Variants in GRM7 observed in about 807,000 individuals in gnomAD.
The protein encoded by GRM7 is glutamate metabotropic receptor 7, also known as metabotropic glutamate receptor 7.
GRM7 carries 35 observed loss-of-function variants against 84.5 expected under a neutral mutation model. That is an observed-to-expected ratio of 0.41 (90% CI 0.32 to 0.55). The LOEUF (loss-of-function observed/expected upper bound fraction) is 0.55, where lower values mean the gene tolerates loss of function less well. GRM7 is among the 20% of genes least tolerant of loss of function. GRM7 has a pLI of 0.19. For synonymous variants in GRM7, 487 were observed against 455.1 expected (o/e 1.07, Z -0.89); for missense variants, 1,003 against 1,194.6 (o/e 0.84, Z 2.36).
At chr3:7,558,738 G>A (rs1375378450) in intron 7 of GRM7, among the ~76,000 whole-genome samples, 2 of 152,000 alleles carry the variant, frequency 1.3e-5, no homozygotes, top group Admixed American at 1.3e-4. Context: ...TAATTATAAG[G>A]CCTTAATAGT....
chr3:7,047,680 G>C (rs751637966), intron 1 of GRM7, among the ~76,000 whole-genome samples: 1 of 152,046 alleles, frequency 6.6e-6, no homozygotes, highest in Non-Finnish European at 1.5e-5. Context: ...ATGTTCCAGT[G>C]TCCTGGATTC....
chr3:7,229,558 T>C (rs1182055284), intron 2 of GRM7, among the ~76,000 whole-genome samples: 1 of 150,812 alleles, frequency 6.6e-6, no homozygotes, highest in Non-Finnish European at 1.5e-5. Flanking sequence ...TTTAGAAGGC[T>C]CAACAGGAGT....
intron 1 of GRM7, among the ~76,000 whole-genome samples, chr3:6,950,789 G>A (rs1692718792): frequency 6.6e-6 from 1 of 152,210 alleles, no homozygotes; most frequent in African/African-American, 2.4e-5. Context: ...CTGCTGCCTT[G>A]CAGTTTGATC....
chr3:7,692,073 G>A (rs1559490645), intron 9 of GRM7, among the ~76,000 whole-genome samples: 1 of 152,048 alleles, frequency 6.6e-6, no homozygotes, highest in Non-Finnish European at 1.5e-5. Context: ...ATAAAGTCAG[G>A]CAACCTTTTC....
chr3:7,061,959 T>C (rs541398297), intron 1 of GRM7, among the ~76,000 whole-genome samples: 26 of 151,774 alleles, frequency 1.7e-4, no homozygotes, highest in Admixed American at 1.4e-3. Context: ...AAAAGGACCT[T>C]CCAGGAGAGA....
chr3:6,921,953 T>C (rs1325554481), intron 1 of GRM7, among the ~76,000 whole-genome samples: 2 of 152,144 alleles, frequency 1.3e-5, no homozygotes, highest in East Asian at 3.9e-4. Context: ...ATACAGTAAC[T>C]CCTCTCACTG....
At chr3:7,115,167 T>A (rs763282964) in intron 1 of GRM7, among the ~76,000 whole-genome samples, 1 of 152,178 alleles carries the variant, frequency 6.6e-6, no homozygotes, top group Non-Finnish European at 1.5e-5. Flanking sequence ...GGGTAAGAGA[T>A]GACTTAAATC....
chr3:7,156,822 T>A lies in GRM7; in HGVS notation c.736+10154T>A, dbSNP rs575919923. Among the ~76,000 whole-genome samples, 3 of 152,232 alleles carry A rather than the reference T, an allele frequency of 2.0e-5. No homozygotes were observed. In the South Asian group the frequency reaches 6.2e-4, roughly 32 times the overall value. On this transcript the variant is annotated intron_variant, in intron 2 of 9. Transcript: ENST00000357716. The stretch of plus-strand genomic sequence containing the variant: ...GAAAGTTCTTTTTAATCAACGTGAA[T>A]TTTTTTCATTGTTGTTTTCACTTGT...
intron 1 of GRM7, among the ~76,000 whole-genome samples, chr3:6,997,528 C>T (rs949277300): frequency 6.6e-6 from 1 of 152,162 alleles, no homozygotes; most frequent in Non-Finnish European, 1.5e-5. Flanking sequence ...AGAACTCACT[C>T]ACTATCATGA....
chr3:7,048,784 C>T (rs1404540985), intron 1 of GRM7, among the ~76,000 whole-genome samples: 1 of 151,922 alleles, frequency 6.6e-6, no homozygotes, highest in Admixed American at 6.6e-5. Flanking sequence ...AATACCTTAC[C>T]TATAGTCACC....
At chr3:7,150,084 T>A (rs60263601) in intron 2 of GRM7, among the ~76,000 whole-genome samples, 32,831 of 145,470 alleles carry the variant, frequency 0.23, 3,795 homozygotes, top group Middle Eastern at 0.33. Flanking sequence ...TGTGTGTGTG[T>A]GTGAGAGAGA....
chr3:6,887,144 CA>C (rs539112710), intron 1 of GRM7, among the ~76,000 whole-genome samples: 14 of 151,920 alleles, frequency 9.2e-5, no homozygotes, highest in African/African-American at 3.4e-4. Flanking sequence ...CTGAAAATAC[CA>C]GACACATTTA....
At chr3:7,676,057 G>A (rs531731409) in intron 8 of GRM7, among the ~76,000 whole-genome samples, 4 of 152,068 alleles carry the variant, frequency 2.6e-5, no homozygotes, top group African/African-American at 7.2e-5. Flanking sequence ...TCTTGGCTCA[G>A]TGCAAACTCC....
At chr3:7,036,339 G>T (rs896389654) in intron 1 of GRM7, among the ~76,000 whole-genome samples, 2 of 152,174 alleles carry the variant, frequency 1.3e-5, no homozygotes, top group African/African-American at 4.8e-5. Flanking sequence ...TAACTTATGG[G>T]AGTGGGCTTA....
chr3:7,517,576 T>C (rs1299269790), intron 7 of GRM7, among the ~76,000 whole-genome samples: 4 of 152,106 alleles, frequency 2.6e-5, no homozygotes, highest in African/African-American at 9.7e-5. Context: ...TATTTTTTTG[T>C]AGAGACAAGT....
At chr3:7,641,993 A>C (rs200650494) in intron 8 of GRM7, among the ~76,000 whole-genome samples, 3,889 of 152,202 alleles carry the variant, frequency 0.026, 136 homozygotes, top group African/African-American at 0.075. Flanking sequence ...TCAGTGAGTA[A>C]ATACATCGTA....
Position 7,144,001 on chromosome 3 carries a change from A to C in GRM7, c.520-2451A>C, listed in dbSNP as rs187294978. Reference sequence around the variant, plus strand: ...ACTACAATCGACACGTAGGTAACTCATTCTATAAAGATATTTGTATGGGCT... The same window carrying C: ...ACTACAATCGACACGTAGGTAACTCCTTCTATAAAGATATTTGTATGGGCT... On this transcript the variant is annotated intron_variant, in intron 1 of 9. Transcript: ENST00000357716. Among the ~76,000 whole-genome samples the C allele has an allele frequency of 2.3e-3, 345 of 152,284 alleles. 2 individuals are homozygous for C. Among genetic ancestry groups the C allele is most frequent in the African/African-American group, 7.9e-3 (329 of 41,578 alleles).
At chr3:6,932,122 T>C (rs1697522575) in intron 1 of GRM7, among the ~76,000 whole-genome samples, 1 of 152,220 alleles carries the variant, frequency 6.6e-6, no homozygotes, top group East Asian at 1.9e-4. Context: ...ACAACTGCTC[T>C]CTATTTGAAT....
At position 7,616,000 on chromosome 3, in the gene GRM7, T is replaced by C. The variant is rs111364701; in HGVS notation, c.2451+36643T>C. Among the ~76,000 whole-genome samples the C allele has an allele frequency of 1.3e-3, 191 of 152,246 alleles. 4 individuals carry two copies. The highest frequency in any genetic ancestry group is 4.3e-3 in the African/African-American group (179 of 41,566). ...TAGTAGATAAGTAGATACATAGTGATATATTTTTAATTTTATTCAGGTTTC... is the reference window on the plus strand; with the variant it reads ...TAGTAGATAAGTAGATACATAGTGACATATTTTTAATTTTATTCAGGTTTC... On this transcript the variant is annotated intron_variant, in intron 8 of 9. Coordinates refer to ENST00000357716, the MANE Select transcript of GRM7 (RefSeq NM_000844.4).
Sources: allele counts gnomAD v4.1 joint callset (sites outside exome capture counted in the v4.1 genomes callset), GRCh38; gene constraint gnomAD v4.1.1; transcripts MANE v1.5; gene names NCBI Gene and HGNC (gene_info 2026-07-23, HGNC 2026-07-21).